SYCP1: variants seen among roughly 807,000 people sequenced by gnomAD.
SYCP1 encodes the protein synaptonemal complex protein 1.
SYCP1 carries 64 observed loss-of-function variants against 153.1 expected under a neutral mutation model. The ratio of observed to expected loss-of-function variants is 0.42; its 90% confidence interval spans 0.34 to 0.51. The LOEUF (loss-of-function observed/expected upper bound fraction) is 0.51, where lower values mean the gene tolerates loss of function less well. SYCP1 is among the 20% of genes least tolerant of loss of function. The pLI is 0.06. For synonymous variants in SYCP1, 384 were observed against 341.8 expected (o/e 1.12, Z -1.36); for missense variants, 997 against 1,049.0 (o/e 0.95, Z 0.68).
At chr1:114,937,689 A>G (rs935181858) in intron 23 of SYCP1, among the ~76,000 whole-genome samples, 6 of 152,216 alleles carry the variant, frequency 3.9e-5, no homozygotes, top group Non-Finnish European at 8.8e-5. Flanking sequence ...GAACTTAAAC[A>G]AATTTACAAG....
At position 114,944,563 on chromosome 1, in the gene SYCP1, G is replaced by A. The variant is rs546972944; in HGVS notation, c.2043+108G>A. On this transcript the variant is annotated intron_variant, in intron 24 of 31. Transcript: ENST00000369522. ...TCTTAACTATTAAATTACAATTTTA[G>A]AAAAGGGTTAGTAAATTTATATAAG... 204 of 712,724 alleles carry A rather than the reference G, an allele frequency of 2.9e-4. 3 individuals are homozygous for A. In the African/African-American group the frequency reaches 3.6e-3, roughly 13 times the overall value. 44.1% of individuals were successfully genotyped at this position (712,724 alleles called of 1,614,324 possible).
chr1:114,857,622 T>A, intron 5 of SYCP1, 125 bp downstream of exon 5: 1 of 714,450 alleles, frequency 1.4e-6, no homozygotes, highest in Non-Finnish European at 2.1e-6. Flanking sequence ...ATATATCCTT[T>A]AAAACCTTTT....
chr1:114,864,676 C>T (rs953143461), intron 8 of SYCP1, among the ~76,000 whole-genome samples: 3 of 151,674 alleles, frequency 2.0e-5, no homozygotes, highest in South Asian at 2.1e-4. Flanking sequence ...TTTTTAGAGA[C>T]AGGGTTTCGC....
chr1:114,893,311 C>T (rs1176249061), intron 15 of SYCP1, among the ~76,000 whole-genome samples: 4 of 151,962 alleles, frequency 2.6e-5, no homozygotes, highest in Non-Finnish European at 5.9e-5. Context: ...GTATCTGTAT[C>T]TGTATCTCTA....
intron 28 of SYCP1, among the ~76,000 whole-genome samples, chr1:114,980,447 G>A (rs1673075450): frequency 6.6e-6 from 1 of 151,808 alleles, no homozygotes; most frequent in Non-Finnish European, 1.5e-5. Flanking sequence ...TATTTATTTA[G>A]AATTGAAGCA....
At position 114,995,024 on chromosome 1, in the gene SYCP1, A is replaced by G; in HGVS notation, c.*5A>G. The G allele has an allele frequency of 6.3e-7, 1 of 1,595,546 alleles. No individual in the cohort carries two copies. Among genetic ancestry groups the G allele is most frequent in the African/African-American group, 1.4e-5 (1 of 73,634 alleles). On this transcript the variant is annotated 3_prime_UTR_variant, in exon 32 of 32. Transcript: ENST00000369522. Reference sequence around the variant, plus strand: ...GCTGAAAAGTTATTTGTTTAATTTCAGAGAATCAGTGTAGTTAAGGAGCCT... The same window carrying G: ...GCTGAAAAGTTATTTGTTTAATTTCGGAGAATCAGTGTAGTTAAGGAGCCT...
chr1:114,934,053 A>G (rs1162366876), intron 23 of SYCP1, among the ~76,000 whole-genome samples: 1 of 152,202 alleles, frequency 6.6e-6, no homozygotes, highest in Non-Finnish European at 1.5e-5. Flanking sequence ...TTCAGGAAAT[A>G]CAGAGAACAC....
At chr1:114,951,895 G>A (rs1298903180) in intron 27 of SYCP1, among the ~76,000 whole-genome samples, 1 of 149,634 alleles carries the variant, frequency 6.7e-6, no homozygotes, top group Non-Finnish European at 1.5e-5. Context: ...CATACACTAT[G>A]TAACCTTTGT....
intron 16 of SYCP1, among the ~76,000 whole-genome samples, chr1:114,900,177 T>C (rs1394785588): frequency 6.6e-6 from 1 of 152,190 alleles, no homozygotes; most frequent in African/African-American, 2.4e-5. Flanking sequence ...GCAAGATTAG[T>C]TTTTACAATC....
chr1:114,864,091 T>A (rs935013587), intron 8 of SYCP1, among the ~76,000 whole-genome samples: 2 of 151,812 alleles, frequency 1.3e-5, no homozygotes, highest in African/African-American at 4.8e-5. Flanking sequence ...TATAGCTATG[T>A]AACAAAGCTA....
At position 114,946,269 on chromosome 1, in the gene SYCP1, GTCT is replaced by G; in HGVS notation, c.2155-15_2155-13del. On this transcript the variant is annotated splice_polypyrimidine_tract_variant and intron_variant, in intron 25 of 31. Transcript: ENST00000369522. ...TATTCAGTTTTAATATATCTAAAAT[GTCT>G]TCTTTGTTTAATATAGCACCAATAT... The G allele has an allele frequency of 7.1e-7, 1 of 1,400,116 alleles. No homozygotes were observed. The highest frequency in any genetic ancestry group is 9.7e-7 in the Non-Finnish European group (1 of 1,032,472). The allele number at this position is 1,400,116 out of a possible 1,614,324, so 86.7% of individuals were successfully genotyped here.
At chr1:114,987,545 A>C (rs1427300875) in intron 30 of SYCP1, among the ~76,000 whole-genome samples, 2 of 151,944 alleles carry the variant, frequency 1.3e-5, no homozygotes, top group African/African-American at 4.8e-5. Flanking sequence ...CATGGCCTGT[A>C]GTCTAACTAC....
chr1:114,992,131 A>G (rs564231562), intron 30 of SYCP1, among the ~76,000 whole-genome samples: 3 of 151,912 alleles, frequency 2.0e-5, no homozygotes, highest in African/African-American at 7.2e-5. Context: ...AAATTACAAA[A>G]CACTGGTGAG....
intron 15 of SYCP1, among the ~76,000 whole-genome samples, chr1:114,888,521 A>T (rs1455327836): frequency 6.6e-6 from 1 of 151,806 alleles, no homozygotes; most frequent in Non-Finnish European, 1.5e-5. Context: ...TTTTTCTGTG[A>T]GGCTTAATTT....
intron 20 of SYCP1, among the ~76,000 whole-genome samples, chr1:114,918,091 T>C (rs1357189728): frequency 6.6e-6 from 1 of 152,064 alleles, no homozygotes; most frequent in Non-Finnish European, 1.5e-5. Context: ...TCCTCGACGG[T>C]TTCTTTTAGT....
Position 114,855,585 on chromosome 1 carries a change from G to T in SYCP1, c.108+13G>T. 1 of 1,588,872 alleles carries T rather than the reference G, an allele frequency of 6.3e-7. No individual in the cohort carries two copies. Among genetic ancestry groups the T allele is most frequent in the Non-Finnish European group, 8.6e-7 (1 of 1,160,182 alleles). On this transcript the variant is annotated intron_variant, in intron 2 of 31. Coordinates refer to ENST00000369522, the MANE Select transcript of SYCP1 (RefSeq NM_003176.4). ...CACTTTCTTCAAGGTAAATTTCCAT[G>T]TGACTCTTAATTGGACTCTTCTTAA...
intron 20 of SYCP1, among the ~76,000 whole-genome samples, chr1:114,918,248 TC>T (rs1177093263): frequency 6.6e-6 from 1 of 152,062 alleles, no homozygotes; most frequent in Non-Finnish European, 1.5e-5. Context: ...ATCGAGACTA[TC>T]CTTTCCCCAA....
intron 23 of SYCP1, among the ~76,000 whole-genome samples, chr1:114,934,713 A>T (rs1043828579): frequency 1.3e-5 from 2 of 152,204 alleles, no homozygotes. Context: ...GTGGAGAAAG[A>T]TCTACCAAGC....
At chr1:114,881,642 C>T (rs1665950118) in intron 12 of SYCP1, among the ~76,000 whole-genome samples, 1 of 152,002 alleles carries the variant, frequency 6.6e-6, no homozygotes, top group Non-Finnish European at 1.5e-5. Flanking sequence ...AGCTGGGATA[C>T]AGGCAGATGC....
Sources: gnomAD v4.1 joint callset for allele counts (sites outside exome capture counted in the v4.1 genomes callset) on GRCh38, gnomAD v4.1.1 for gene constraint, MANE v1.5 for transcripts, NCBI Gene and HGNC (gene_info 2026-07-23, HGNC 2026-07-21) for gene names.